Variants in LRP2 observed in about 807,000 individuals in gnomAD.
LRP2 encodes the protein LDL receptor related protein 2, also known as low-density lipoprotein receptor-related protein 2.
LRP2 carries 172 observed loss-of-function variants against 531.0 expected under a neutral mutation model. That is an observed-to-expected ratio of 0.32 (90% confidence interval 0.29 to 0.37). LRP2 has a LOEUF of 0.37. LRP2 is among the 10% of genes least tolerant of loss of function. LRP2 has a pLI of 1.00. For synonymous variants in LRP2, 1,992 were observed against 2,027.6 expected, an observed-to-expected ratio of 0.98 and a Z score of 0.47; for missense variants, 5,167 against 5,868.3, an observed-to-expected ratio of 0.88 and a Z score of 3.90.
intron 25 of LRP2, chr2:169,240,678 T>C (rs1052961197): frequency 5.7e-6 from 3 of 525,892 alleles, no homozygotes; most frequent in African/African-American, 5.7e-5. Flanking sequence ...TTAGAAAAAT[T>C]AATGAGCACA....
rs75914872 is a variant in LRP2, at chr2:169,287,424, A to T, written c.1042+1602T>A. On this transcript the variant is annotated intron_variant, in intron 9 of 78. Transcript: ENST00000649046. ...CGTGGTCCTGATATTAAGAACCTAC[A>T]GTTACCCACTATGAACACAAGGAAA... 6.3e-4 allele frequency among the ~76,000 whole-genome samples: 96 copies of T among 152,258 alleles called. 1 individual carries two copies. The highest frequency in any genetic ancestry group is 2.3e-3 in the African/African-American group (94 of 41,556).
At chr2:169,193,605 CA>C (rs1687904735) in intron 47 of LRP2, among the ~76,000 whole-genome samples, 155 bp downstream of exon 47, 1 of 151,876 alleles carries the variant, frequency 6.6e-6, no homozygotes, top group African/African-American at 2.4e-5. Context: ...TGGATGATAT[CA>C]AACACTCCCA....
intron 4 of LRP2, among the ~76,000 whole-genome samples, chr2:169,302,690 G>A (rs1466629962): frequency 6.6e-6 from 1 of 151,772 alleles, no homozygotes; most frequent in Non-Finnish European, 1.5e-5. Context: ...GGACATCAGG[G>A]GACACAATGA....
chr2:169,177,827 A>G lies in LRP2; in HGVS notation c.10369T>C (p.Tyr3457His), dbSNP rs1687256255. The change falls in exon 53 of 79, where the codon TAC becomes CAC. Residue 3457 changes from tyrosine to histidine, a missense_variant. Around this residue, in one of 6 missense-constraint regions of LRP2, gnomAD observed 1,129 missense variants for 1,362.7 expected, o/e 0.83. Coordinates refer to ENST00000649046, the MANE Select transcript of LRP2 (RefSeq NM_004525.3). ...CCAATGGGCTGCCTATATGGATGGT[A>G]CACATGGATGTCAAATGGTCTGTGT... ...TTHRPFDIHV[Y>H]HPYRQPIVSN... 1 of 1,614,230 alleles carries G rather than the reference A, an allele frequency of 6.2e-7. No individual in the cohort carries two copies. Among genetic ancestry groups the G allele is most frequent in the Non-Finnish European group, 8.5e-7 (1 of 1,180,026 alleles).
rs553969103 is a variant in LRP2, at chr2:169,223,786, G to A, written c.5538+1524C>T. Among the ~76,000 whole-genome samples the A allele has an allele frequency of 7.2e-5, 11 of 152,310 alleles. No homozygotes were observed. The South Asian group carries it at 1.2e-3, about 17-fold the overall frequency. On this transcript the variant is annotated intron_variant, in intron 33 of 78. Coordinates refer to ENST00000649046, the MANE Select transcript of LRP2 (RefSeq NM_004525.3). ...CAAGGGGCCCTTCATGTTAACACCT[G>A]ATAATTCTACCTGGCTTGAGATACT...
intron 44 of LRP2, among the ~76,000 whole-genome samples, chr2:169,201,046 C>A (rs1047975637): frequency 6.6e-6 from 1 of 152,148 alleles, no homozygotes; most frequent in Non-Finnish European, 1.5e-5. Flanking sequence ...GGTCTACATA[C>A]CAGTTCATAG....
intron 37 of LRP2, among the ~76,000 whole-genome samples, chr2:169,211,374 C>T (rs1228477962): frequency 2.0e-5 from 3 of 152,104 alleles, no homozygotes; most frequent in South Asian, 2.1e-4. Flanking sequence ...AGCAAGTGAT[C>T]GTTTCATACA....
At chr2:169,226,334 A>G in intron 32 of LRP2, 88 bp downstream of exon 32, 1 of 1,069,088 alleles carries the variant, frequency 9.4e-7, no homozygotes, top group Middle Eastern at 2.2e-4. Flanking sequence ...TTTTACTCAC[A>G]TGACAAAAGT....
At chr2:169,194,973 C>T (rs1017822249) in intron 46 of LRP2, among the ~76,000 whole-genome samples, 2 of 150,336 alleles carry the variant, frequency 1.3e-5, no homozygotes, top group South Asian at 2.1e-4. Flanking sequence ...CCTCCCAAAG[C>T]GCTAGGATTA....
intron 29 of LRP2, among the ~76,000 whole-genome samples, chr2:169,234,661 A>G (rs1204231642): frequency 6.6e-6 from 1 of 152,162 alleles, no homozygotes. Flanking sequence ...TGCTGGGTCA[A>G]ATGGTATTTC....
intron 6 of LRP2, among the ~76,000 whole-genome samples, chr2:169,293,883 G>C (rs1333647008): frequency 6.6e-6 from 1 of 152,018 alleles, no homozygotes; most frequent in Non-Finnish European, 1.5e-5. Context: ...TGGAGCCTAA[G>C]GAAAGAAGGC....
chr2:169,210,364 T>A (rs1688551600), intron 37 of LRP2, among the ~76,000 whole-genome samples: 1 of 152,216 alleles, frequency 6.6e-6, no homozygotes, highest in African/African-American at 2.4e-5. Context: ...CTTAACCAAG[T>A]GATCAAACTC....
intron 47 of LRP2, 46 bp downstream of exon 47, chr2:169,193,715 T>G (rs751629369): frequency 1.2e-5 from 20 of 1,613,440 alleles, no homozygotes; most frequent in Non-Finnish European, 1.6e-5. Context: ...TCTACTGTGT[T>G]TCCCTGGAAT....
intron 47 of LRP2, among the ~76,000 whole-genome samples, chr2:169,193,491 G>A (rs1305412977): frequency 1.4e-5 from 2 of 147,692 alleles, no homozygotes; most frequent in Non-Finnish European, 3.0e-5. Context: ...GTATTTGTGG[G>A]TTTTTTTTTT....
chr2:169,261,388 C>T (rs1690544056), intron 16 of LRP2, among the ~76,000 whole-genome samples: 1 of 151,860 alleles, frequency 6.6e-6, no homozygotes, highest in Non-Finnish European at 1.5e-5. Context: ...TGCAGTGGCA[C>T]AGTCATAGCC....
rs993509939 is a variant in LRP2, at chr2:169,274,919, T to C, written c.1975+117A>G. ...TTAACACTCTGGGTAACCCTTCATA[T>C]ACTTGAGAATGCCACCCAAATCACA... On this transcript the variant is annotated intron_variant, in intron 14 of 78. Transcript: ENST00000649046. The C allele has an allele frequency of 1.3e-5, 13 of 964,374 alleles. No individual in the cohort carries two copies. The African/African-American group carries it at 2.1e-4, about 16-fold the overall frequency. 59.7% of individuals were successfully genotyped at this position (964,374 alleles called of 1,614,324 possible). A position where few individuals can be genotyped will look rare whatever the true frequency, so the allele number is the denominator to read the frequency against.
chr2:169,138,630 T>C lies in LRP2; in HGVS notation c.13465A>G (p.Ile4489Val). 6.2e-7 allele frequency: 1 copy of C among 1,614,058 alleles called. No individual in the cohort carries two copies. Among genetic ancestry groups the C allele is most frequent in the South Asian group, 1.1e-5 (1 of 91,070 alleles). The change falls in exon 75 of 79, where the codon ATT becomes GTT. Residue 4489 changes from isoleucine to valine, a missense_variant. Physicochemically the swap from Ile to Val is conservative, Grantham distance 29. Transcript: ENST00000649046. Reference sequence around the variant, plus strand: ...TCAGGTCCAAAACCAGACACTCCAATATCCATGTTAAGATCTGCCCCTGAT... The same window carrying C: ...TCAGGTCCAAAACCAGACACTCCAACATCCATGTTAAGATCTGCCCCTGAT... The part of the protein sequence containing the change: ...FRSGADLNMD[I>V]GVSGFGPETA...
chr2:169,355,572 G>C (rs1345836442), intron 1 of LRP2, among the ~76,000 whole-genome samples: 1 of 152,172 alleles, frequency 6.6e-6, no homozygotes, highest in East Asian at 1.9e-4. Flanking sequence ...TATGACCTAA[G>C]TAGAGACCCT....
intron 3 of LRP2, among the ~76,000 whole-genome samples, chr2:169,312,025 C>A (rs1444598451): frequency 6.6e-6 from 1 of 152,116 alleles, no homozygotes; most frequent in Non-Finnish European, 1.5e-5. Flanking sequence ...ATTGCAACCC[C>A]TGCCTTTTTT....
Sources: allele counts gnomAD v4.1 joint callset (sites outside exome capture counted in the v4.1 genomes callset), GRCh38; gene constraint gnomAD v4.1.1; regional missense constraint gnomAD v4.1.1; transcripts MANE v1.5; gene names NCBI Gene and HGNC (gene_info 2026-07-23, HGNC 2026-07-21).